The following ATP6V1H variants were observed in gnomAD, a reference collection of about 807,000 sequenced individuals.
ATP6V1H encodes V-type proton ATPase subunit H.
A neutral mutation model predicts 71.7 loss-of-function variants in ATP6V1H; 39 were observed. The ratio of observed to expected loss-of-function variants is 0.54; its 90% CI spans 0.42 to 0.71. The LOEUF (loss-of-function observed/expected upper bound fraction) is 0.71. Among genes scored for constraint, ATP6V1H ranks in the 30% least tolerant of loss-of-function variants. The pLI is 0.00. For missense variants in ATP6V1H, 509 were observed against 594.9 expected (o/e 0.86, Z 1.50); for synonymous variants, 192 against 199.3 (o/e 0.96, Z 0.31).
chr8:53,811,360 A>C, intron 6 of ATP6V1H, 143 bp from the exon 7 acceptor site: 1 of 614,464 alleles, frequency 1.6e-6, no homozygotes, highest in Non-Finnish European at 2.9e-6. Flanking sequence ...AATCCTACTA[A>C]ATAAAAAGCA....
chr8:53,745,704 C>CAG (rs1807578177), intron 12 of ATP6V1H, among the ~76,000 whole-genome samples: 1 of 151,512 alleles, frequency 6.6e-6, no homozygotes, highest in Non-Finnish European at 1.5e-5. Flanking sequence ...TCACCACACA[C>CAG]ACACACACAA....
chr8:53,720,550 AT>A (rs1806578915), intron 13 of ATP6V1H, among the ~76,000 whole-genome samples: 1 of 152,214 alleles, frequency 6.6e-6, no homozygotes, highest in Admixed American at 6.5e-5. Context: ...ACCATTACCC[AT>A]TCTAATCAAA....
chr8:53,777,929 G>C (rs936766903), intron 9 of ATP6V1H, among the ~76,000 whole-genome samples: 1 of 152,076 alleles, frequency 6.6e-6, no homozygotes, highest in Non-Finnish European at 1.5e-5. Context: ...ATATATACCT[G>C]GATAAATATA....
chr8:53,811,136 G>A, intron 7 of ATP6V1H, 28 bp downstream of exon 7: 2 of 1,602,584 alleles, frequency 1.2e-6, no homozygotes, highest in African/African-American at 1.3e-5. Context: ...TTTTGGGGAT[G>A]TTTAGGCCAG....
In ATP6V1H at chr8:53,808,260, A is replaced by G. The variant is rs200558689; in HGVS notation, c.579+2904T>C. On this transcript the variant is annotated intron_variant, in intron 7 of 13. Transcript: ENST00000359530. ...TAAATCTTCCAAAGTTTGTGGAGGA[A>G]TCACAGTATTCTTTCATCAGGGCAT... Among the ~76,000 whole-genome samples, 338 of 152,372 alleles carry G rather than the reference A, an allele frequency of 2.2e-3. 2 individuals are homozygous for G. The highest frequency in any genetic ancestry group is 7.8e-3 in the African/African-American group (326 of 41,594).
chr8:53,793,686 C>T (rs980350222), intron 9 of ATP6V1H, among the ~76,000 whole-genome samples: 3 of 151,996 alleles, frequency 2.0e-5, no homozygotes, highest in African/African-American at 7.2e-5. Flanking sequence ...TGCCTGTAAT[C>T]TCAGCACTTT....
chr8:53,732,517 AG>A (rs1194721429), intron 13 of ATP6V1H, among the ~76,000 whole-genome samples: 3 of 152,120 alleles, frequency 2.0e-5, no homozygotes, highest in Non-Finnish European at 1.5e-5. Flanking sequence ...AACTACAGAC[AG>A]GGAACAATTG....
intron 11 of ATP6V1H, among the ~76,000 whole-genome samples, chr8:53,761,831 A>G (rs527285404): frequency 4.9e-4 from 74 of 152,346 alleles, no homozygotes; most frequent in Non-Finnish European, 8.8e-4. Context: ...TTAAATGACA[A>G]TAAGAGGATT....
At chr8:53,806,550 G>T (rs1810083689) in intron 7 of ATP6V1H, among the ~76,000 whole-genome samples, 1 of 151,776 alleles carries the variant, frequency 6.6e-6, no homozygotes, top group Non-Finnish European at 1.5e-5. Context: ...TGACTAGTGG[G>T]AATCTTTATT....
intron 9 of ATP6V1H, among the ~76,000 whole-genome samples, chr8:53,785,470 A>T (rs1001672436): frequency 1.3e-5 from 2 of 151,894 alleles, no homozygotes; most frequent in Non-Finnish European, 2.9e-5. Flanking sequence ...TAACTTCTTT[A>T]CCATTGGTTT....
intron 9 of ATP6V1H, among the ~76,000 whole-genome samples, chr8:53,773,513 T>C (rs1360149163): frequency 1.3e-5 from 2 of 152,120 alleles, no homozygotes; most frequent in Non-Finnish European, 2.9e-5. Context: ...ACAATACAAA[T>C]ACGTTCCTGT....
intron 11 of ATP6V1H, among the ~76,000 whole-genome samples, chr8:53,765,120 A>T (rs1006833245): frequency 6.6e-6 from 1 of 151,414 alleles, no homozygotes; most frequent in Non-Finnish European, 1.5e-5. Flanking sequence ...AAGGCGGGGG[A>T]AGGCCAGGCA....
chr8:53,716,180 G>C (rs778886704), intron 13 of ATP6V1H, among the ~76,000 whole-genome samples, 156 bp from the exon 14 acceptor site: 2 of 152,158 alleles, frequency 1.3e-5, no homozygotes, highest in South Asian at 2.1e-4. Context: ...AATTTCCAAA[G>C]TACTTGTGCT....
intron 12 of ATP6V1H, among the ~76,000 whole-genome samples, chr8:53,744,236 C>T (rs1310547080): frequency 6.6e-6 from 1 of 151,866 alleles, no homozygotes; most frequent in Non-Finnish European, 1.5e-5. Flanking sequence ...TGGGATATGC[C>T]ATGTGACTTG....
At chr8:53,798,943 G>T (rs1809828841) in intron 8 of ATP6V1H, among the ~76,000 whole-genome samples, 2 of 152,130 alleles carry the variant, frequency 1.3e-5, no homozygotes, top group South Asian at 4.1e-4. Flanking sequence ...CATCAGAACA[G>T]CAGCATTTGT....
At chr8:53,776,281 C>T (rs963026712) in intron 9 of ATP6V1H, among the ~76,000 whole-genome samples, 4 of 152,240 alleles carry the variant, frequency 2.6e-5, no homozygotes, top group Non-Finnish European at 5.9e-5. Flanking sequence ...GTGCCTCTCC[C>T]TCCACACCTC....
chr8:53,728,800 A>G (rs1806908259), intron 13 of ATP6V1H, among the ~76,000 whole-genome samples: 1 of 152,164 alleles, frequency 6.6e-6, no homozygotes, highest in African/African-American at 2.4e-5. Flanking sequence ...TCCTGATTTC[A>G]CCACAACCAA....
chr8:53,795,815 C>T lies in ATP6V1H; in HGVS notation c.702G>A (p.Lys234=). The T allele has an allele frequency of 3.7e-6, 6 of 1,611,676 alleles. No individual in the cohort carries two copies. Among genetic ancestry groups the T allele is most frequent in the Non-Finnish European group, 5.1e-6 (6 of 1,179,254 alleles). ...VNCIMGVLSN[K]CGFQLQYQMI... ...TTTGATACTGGAGCTGAAAGCCACACTTGTTACTCAACACTCCCATTATGC... is the reference window on the plus strand; with the variant it reads ...TTTGATACTGGAGCTGAAAGCCACATTTGTTACTCAACACTCCCATTATGC... Residue 234 remains lysine, a synonymous_variant, in exon 9 of 14, where the codon AAG becomes AAA. Coordinates refer to ENST00000359530, the MANE Select transcript of ATP6V1H (RefSeq NM_015941.4).
chr8:53,804,238 C>T (rs1344004343), intron 7 of ATP6V1H, among the ~76,000 whole-genome samples: 1 of 152,190 alleles, frequency 6.6e-6, no homozygotes, highest in South Asian at 2.1e-4. Flanking sequence ...GAGTGCATTA[C>T]TTCCTGGTCT....
Sources: gnomAD v4.1 joint callset for allele counts (sites outside exome capture counted in the v4.1 genomes callset) on GRCh38, gnomAD v4.1.1 for gene constraint, MANE v1.5 for transcripts, NCBI Gene and HGNC (gene_info 2026-07-23, HGNC 2026-07-21) for gene names.